DLGAP2: variants seen among roughly 807,000 people sequenced by gnomAD.
The protein encoded by DLGAP2 is disks large-associated protein 2.
A neutral mutation model predicts 100.3 loss-of-function variants in DLGAP2; 26 were observed. That is an observed-to-expected ratio of 0.26 (90% CI 0.19 to 0.36). The LOEUF (loss-of-function observed/expected upper bound fraction) is 0.36, where lower values mean the gene tolerates loss of function less well. DLGAP2 is among the 10% of genes least tolerant of loss of function. The pLI is 1.00. For synonymous variants in DLGAP2, 886 were observed against 630.1 expected, an observed-to-expected ratio of 1.41 and a Z score of -6.08; for missense variants, 1,858 against 1,453.2, an observed-to-expected ratio of 1.28 and a Z score of -4.53.
At chr8:1,298,176 A>G (rs923681676) in intron 3 of DLGAP2, among the ~76,000 whole-genome samples, 7 of 152,032 alleles carry the variant, frequency 4.6e-5, no homozygotes, top group Admixed American at 1.3e-4. Flanking sequence ...TGAACGGAGA[A>G]ATGTGGCGTG....
chr8:751,013 G>A (rs947950347), intron 1 of DLGAP2, among the ~76,000 whole-genome samples: 1 of 152,174 alleles, frequency 6.6e-6, no homozygotes, highest in Non-Finnish European at 1.5e-5. Context: ...CGGTAGGCAC[G>A]CTGATCTCCG....
At chr8:1,479,876 G>A (rs187159144) in intron 3 of DLGAP2, among the ~76,000 whole-genome samples, 4 of 152,306 alleles carry the variant, frequency 2.6e-5, no homozygotes, top group Admixed American at 2.6e-4. Context: ...TGAATGCTAT[G>A]ATTATTTACC....
intron 3 of DLGAP2, among the ~76,000 whole-genome samples, chr8:1,296,774 G>A (rs1800188012): frequency 6.6e-6 from 1 of 152,176 alleles, no homozygotes. Context: ...CCCTGAACGT[G>A]CCACTGATGT....
At chr8:1,676,064 G>A (rs1043111820) in intron 10 of DLGAP2, among the ~76,000 whole-genome samples, 1 of 152,162 alleles carries the variant, frequency 6.6e-6, no homozygotes, top group Non-Finnish European at 1.5e-5. Context: ...GTTTGCCTCT[G>A]TTTCTGATCA....
intron 1 of DLGAP2, among the ~76,000 whole-genome samples, chr8:900,918 A>G (rs902187963): frequency 6.6e-6 from 1 of 152,238 alleles, no homozygotes; most frequent in Non-Finnish European, 1.5e-5. Context: ...AAGAGAACAG[A>G]GAAGAAGTAT....
At chr8:1,176,536 T>C (rs1213252497) in intron 2 of DLGAP2, among the ~76,000 whole-genome samples, 1 of 152,118 alleles carries the variant, frequency 6.6e-6, no homozygotes, top group African/African-American at 2.4e-5. Flanking sequence ...AGCCGCCCTG[T>C]GAATTTAACT....
Position 952,656 on chromosome 8 carries a change from A to C in DLGAP2, c.73+44690A>C, listed in dbSNP as rs147843231. Among the ~76,000 whole-genome samples the C allele has an allele frequency of 8.5e-3, 1,287 of 152,296 alleles. 19 individuals carry two copies. The highest frequency in any genetic ancestry group is 0.03 in the African/African-American group (1,241 of 41,562). ...GATCTCAAAAAAATAAAAATAAAAT[A>C]AAAATAATCAACATATTTCATATTA... On this transcript the variant is annotated intron_variant, in intron 2 of 14. Coordinates refer to ENST00000637795, the MANE Select transcript of DLGAP2 (RefSeq NM_001346810.2).
At chr8:968,239 C>G (rs1799928334) in intron 2 of DLGAP2, among the ~76,000 whole-genome samples, 1 of 152,166 alleles carries the variant, frequency 6.6e-6, no homozygotes, top group Non-Finnish European at 1.5e-5. Context: ...ATTATGACAG[C>G]TATGCCCGTG....
At position 746,028 on chromosome 8, in the gene DLGAP2, C is replaced by T. The variant is rs536754732; in HGVS notation, c.18+8203C>T. Among the ~76,000 whole-genome samples the T allele has an allele frequency of 6.6e-5, 10 of 152,324 alleles. No individual in the cohort carries two copies. The East Asian group carries it at 1.4e-3, about 21-fold the overall frequency. ...GGTCATCCCCTCAACACTCTGCCCC[C>T]GTCACCCAGGCCTCCTTACTGGTGC... On this transcript the variant is annotated intron_variant, in intron 1 of 14. Transcript: ENST00000637795.
At position 1,247,293 on chromosome 8, in the gene DLGAP2, G is replaced by A. The variant is rs1371330865; in HGVS notation, c.74-11558G>A. 2.7e-3 allele frequency among the ~76,000 whole-genome samples: 277 copies of A among 102,938 alleles called. 8 individuals are homozygous for A. Among genetic ancestry groups the A allele is most frequent in the African/African-American group, 9.8e-3 (214 of 21,940 alleles). The allele number at this position is 102,938 out of a possible 152,430, so 67.5% of individuals were successfully genotyped here. On this transcript the variant is annotated intron_variant, in intron 2 of 14. Transcript: ENST00000637795. ...AGTGAGATGGTCCACATCGGTGGCT[G>A]GGAAGACCATTGAGATCAGTGTGGG...
intron 2 of DLGAP2, among the ~76,000 whole-genome samples, chr8:1,114,839 G>A (rs941864081): frequency 3.3e-5 from 5 of 152,088 alleles, no homozygotes; most frequent in Admixed American, 1.3e-4. Context: ...TTAGTGCTAC[G>A]AATTTTCCTG....
chr8:1,567,257 G>A (rs1802440785), intron 6 of DLGAP2, among the ~76,000 whole-genome samples: 1 of 152,170 alleles, frequency 6.6e-6, no homozygotes, highest in African/African-American at 2.4e-5. Context: ...CCTTTTATTT[G>A]GCACACTTAA....
chr8:1,453,947 G>C (rs564742891), intron 3 of DLGAP2, among the ~76,000 whole-genome samples: 27 of 152,238 alleles, frequency 1.8e-4, no homozygotes, highest in Admixed American at 3.3e-4. Context: ...CATGTGCACA[G>C]ATACAAAGCC....
intron 2 of DLGAP2, among the ~76,000 whole-genome samples, chr8:964,625 G>C (rs545562277): frequency 1.1e-4 from 16 of 152,336 alleles, no homozygotes; most frequent in African/African-American, 3.8e-4. Flanking sequence ...TCCCATCCTG[G>C]GGCCTCGGCC....
chr8:1,633,689 A>C (rs989660089), intron 8 of DLGAP2, among the ~76,000 whole-genome samples: 3 of 152,202 alleles, frequency 2.0e-5, no homozygotes. Flanking sequence ...GCCTAGAGAA[A>C]CCCATAAAAC....
At chr8:775,255 A>T (rs1272160458) in intron 1 of DLGAP2, among the ~76,000 whole-genome samples, 1 of 152,126 alleles carries the variant, frequency 6.6e-6, no homozygotes, top group Non-Finnish European at 1.5e-5. Context: ...TTGGGCTGAG[A>T]CAATGGGGTT....
intron 2 of DLGAP2, chr8:927,112 C>T (rs17752590): frequency 7.1e-6 from 7 of 985,160 alleles, no homozygotes; most frequent in Non-Finnish European, 7.2e-6. Context: ...TAAAAGACTT[C>T]GGAGCAAACT....
chr8:920,311 G>T (rs1798681880), intron 2 of DLGAP2, among the ~76,000 whole-genome samples: 1 of 152,228 alleles, frequency 6.6e-6, no homozygotes, highest in Non-Finnish European at 1.5e-5. Flanking sequence ...CCATATGTTT[G>T]CACAGTTTAG....
intron 3 of DLGAP2, among the ~76,000 whole-genome samples, chr8:1,419,947 G>C (rs764840241): frequency 6.6e-6 from 1 of 152,178 alleles, no homozygotes; most frequent in Non-Finnish European, 1.5e-5. Context: ...AATGGAGAAA[G>C]AACATGTGAA....
Sources: gnomAD v4.1 joint callset for allele counts (sites outside exome capture counted in the v4.1 genomes callset) on GRCh38, gnomAD v4.1.1 for gene constraint, MANE v1.5 for transcripts, NCBI Gene and HGNC (gene_info 2026-07-23, HGNC 2026-07-21) for gene names.